The following SPINK14 variants were observed in gnomAD, a reference collection of about 807,000 sequenced individuals.
SPINK14 encodes serine peptidase inhibitor Kazal type 14 (putative).
A neutral mutation model predicts 14.2 loss-of-function variants in SPINK14; 6 were observed. That is an observed-to-expected ratio of 0.42 (90% CI 0.23 to 0.83). The LOEUF is 0.83. SPINK14 is among the 40% of genes least tolerant of loss of function. The probability of loss-of-function intolerance (pLI) is 0.28; values close to 1 mark genes in which losing one functional copy is unlikely to be tolerated. For missense variants in SPINK14, 86 were observed against 108.3 expected (o/e 0.79, Z 0.91); for synonymous variants, 34 against 36.8 (o/e 0.92, Z 0.27).
intron 3 of SPINK14, among the ~76,000 whole-genome samples, chr5:148,171,850 T>C (rs1237833241): frequency 6.6e-6 from 1 of 152,126 alleles, no homozygotes; most frequent in African/African-American, 2.4e-5. Context: ...CCTGGTCTCA[T>C]AAAGCTGAGT....
intron 3 of SPINK14, 39 bp downstream of exon 3, chr5:148,171,012 T>C (rs1279062325): frequency 6.3e-7 from 1 of 1,582,162 alleles, no homozygotes; most frequent in Admixed American, 1.7e-5. Flanking sequence ...ACTTACATTA[T>C]AATATGAGTT....
At chr5:148,170,400 TTGATTTGCTG>T in intron 2 of SPINK14, among the ~76,000 whole-genome samples, 1 of 152,088 alleles carries the variant, frequency 6.6e-6, no homozygotes, top group Non-Finnish European at 1.5e-5. Flanking sequence ...TTTAGAGTGT[TTGATTTGCTG>T]TGTATTTGAC....
intron 4 of SPINK14, 110 bp from the exon 5 acceptor site, chr5:148,175,243 T>C: frequency 1.4e-6 from 1 of 714,992 alleles, no homozygotes; most frequent in Non-Finnish European, 2.4e-6. Flanking sequence ...ACTCTGGATC[T>C]TAGTTTTTCC....
Position 148,170,972 on chromosome 5 carries a change from A to T in SPINK14, c.110A>T (p.Lys37Met), listed in dbSNP as rs773439289. 2.5e-6 allele frequency: 4 copies of T among 1,612,178 alleles called. No individual in the cohort carries two copies. The African/African-American group carries it at 5.3e-5, about 22-fold the overall frequency. Reference sequence around the variant, plus strand: ...TGGTGGCCACCACGTGGAATTATTAAGGTAATGTTCCATTAAATTTCCCCC... The same window carrying T: ...TGGTGGCCACCACGTGGAATTATTATGGTAATGTTCCATTAAATTTCCCCC... The part of the protein sequence containing the change: ...RHWWPPRGII[K>M]VKCPYEKVNL... The change falls in exon 3 of 5, where the codon AAG becomes ATG. Residue 37 changes from lysine to methionine, a missense_variant and splice_region_variant. Physicochemically the swap from Lys to Met is moderately conservative, Grantham distance 95. Coordinates refer to ENST00000356972, the MANE Select transcript of SPINK14 (RefSeq NM_001001325.2).
At chr5:148,169,470 T>C (rs565233658) in intron 1 of SPINK14, among the ~76,000 whole-genome samples, 191 bp from the exon 2 acceptor site, 1 of 152,306 alleles carries the variant, frequency 6.6e-6, no homozygotes, top group East Asian at 1.9e-4. Flanking sequence ...CTTCTGAGTA[T>C]TCAAAGATCT....
chr5:148,173,096 G>A (rs964068864), intron 3 of SPINK14, among the ~76,000 whole-genome samples: 5 of 149,988 alleles, frequency 3.3e-5, no homozygotes, highest in South Asian at 2.1e-4. Context: ...GTTGGGTAAC[G>A]ATGGTGGCCT....
chr5:148,169,848 CT>C, intron 2 of SPINK14, 49 bp downstream of exon 2: 1 of 1,469,574 alleles, frequency 6.8e-7, no homozygotes, highest in Non-Finnish European at 9.5e-7. Context: ...GATTTGTGGG[CT>C]TTTACATCAT....
rs1755141946 is a variant in SPINK14 at position 148,174,291 on chromosome 5, T to G, written c.169T>G (p.Cys57Gly). 9.0e-7 allele frequency: 1 copy of G among 1,113,538 alleles called. No homozygotes were observed. Among genetic ancestry groups the G allele is most frequent in the Non-Finnish European group, 1.2e-6 (1 of 810,166 alleles). 69.0% of individuals were successfully genotyped at this position (1,113,538 alleles called of 1,614,324 possible). A position where few individuals can be genotyped will look rare whatever the true frequency, so the allele number is the denominator to read the frequency against. ...LSWYNGTVNPCPGLYQPICGT... is the reference protein window; with the variant it reads ...LSWYNGTVNPGPGLYQPICGT... Reference sequence around the variant, plus strand: ...CTGGTACAATGGAACGGTCAACCCCTGCCCTGGCTTATATCAACCCATCTG... The same window carrying G: ...CTGGTACAATGGAACGGTCAACCCCGGCCCTGGCTTATATCAACCCATCTG... Residue 57 changes from cysteine (C) to glycine (G), a missense_variant, in exon 4 of 5, where the codon TGC becomes GGC. Physicochemically the swap from Cys to Gly is radical, Grantham distance 159 (BLOSUM62 -3). Transcript: ENST00000356972.
At chr5:148,170,183 C>T (rs1027146466) in intron 2 of SPINK14, among the ~76,000 whole-genome samples, 2 of 146,176 alleles carry the variant, frequency 1.4e-5, no homozygotes, top group South Asian at 4.3e-4. Context: ...TACACACACA[C>T]ACACACACAC....
rs1255519065 is a variant in SPINK14 at position 148,170,831 on chromosome 5, C to A, written c.68-99C>A. 4 of 1,050,416 alleles carry A rather than the reference C, an allele frequency of 3.8e-6. No homozygotes were observed. In the African/African-American group the frequency reaches 6.5e-5, roughly 17 times the overall value. The allele number at this position is 1,050,416 out of a possible 1,614,324, so 65.1% of individuals were successfully genotyped here. A position where few individuals can be genotyped will look rare whatever the true frequency, so the allele number is the denominator to read the frequency against. ...AAATAATGTTTTCCATTGCTGAAAA[C>A]TTCCTTGATAATAAATTAGAACTCG... On this transcript the variant is annotated intron_variant, in intron 2 of 4. Coordinates refer to ENST00000356972, the MANE Select transcript of SPINK14 (RefSeq NM_001001325.2).
rs573043044 is a variant in SPINK14, at chr5:148,169,406, A to C, written c.-72-255A>C. Among the ~76,000 whole-genome samples the C allele has an allele frequency of 2.4e-4, 36 of 152,256 alleles. No individual in the cohort carries two copies. In the South Asian group the frequency reaches 6.9e-3, roughly 29 times the overall value. On this transcript the variant is annotated intron_variant, in intron 1 of 4. Transcript: ENST00000356972. ...GGAGTTGCTTTTTCATGACATGTAAAATGTTTTCCCACTAAAATAATACAC... is the reference window on the plus strand; with the variant it reads ...GGAGTTGCTTTTTCATGACATGTAACATGTTTTCCCACTAAAATAATACAC...
chr5:148,169,864 T>C, intron 2 of SPINK14, 65 bp downstream of exon 2: 1 of 1,303,664 alleles, frequency 7.7e-7, no homozygotes, highest in Non-Finnish European at 1.1e-6. Context: ...CATCATAATC[T>C]GAGAGAGAAT....
In SPINK14 at chr5:148,169,117, C is replaced by G. The variant is rs567033084; in HGVS notation, c.-72-544C>G. Among the ~76,000 whole-genome samples the G allele has an allele frequency of 2.0e-5, 3 of 152,188 alleles. No homozygotes were observed. The South Asian group carries it at 6.2e-4, about 32-fold the overall frequency. The stretch of plus-strand genomic sequence containing the variant: ...TCTGGATTAAAATAGCTGTGGGACC[C>G]CAGTGAGATGGCAGATAATGATTTT... On this transcript the variant is annotated intron_variant, in intron 1 of 4. Coordinates refer to ENST00000356972, the MANE Select transcript of SPINK14 (RefSeq NM_001001325.2).
chr5:148,171,939 G>C (rs556212991), intron 3 of SPINK14, among the ~76,000 whole-genome samples: 2 of 152,072 alleles, frequency 1.3e-5, no homozygotes, highest in Admixed American at 1.3e-4. Flanking sequence ...AATAATAAAT[G>C]CGCTCACTTT....
intron 4 of SPINK14, 127 bp downstream of exon 4, chr5:148,174,497 A>T: frequency 1.9e-6 from 1 of 525,794 alleles, no homozygotes; most frequent in Non-Finnish European, 3.1e-6. Context: ...ACAGATAATA[A>T]TCAGCACCCA....
In SPINK14 at chr5:148,174,205, C is replaced by A. The variant is rs1278858270; in HGVS notation, c.112-29C>A. ...CCTACCTGTCTAAGTGGGATTCTAA[C>A]TGGATAAATCTTTTCAACTCAATTT... On this transcript the variant is annotated intron_variant, in intron 3 of 4. Coordinates refer to ENST00000356972, the MANE Select transcript of SPINK14 (RefSeq NM_001001325.2). The A allele has an allele frequency of 3.6e-6, 4 of 1,097,782 alleles. 2 individuals carry two copies. The highest frequency in any genetic ancestry group is 5.6e-5 in the East Asian group (2 of 35,826). 68.0% of individuals were successfully genotyped at this position (1,097,782 alleles called of 1,614,324 possible). A position where few individuals can be genotyped will look rare whatever the true frequency, so the allele number is the denominator to read the frequency against.
At chr5:148,174,458 C>A in intron 4 of SPINK14, 88 bp downstream of exon 4, 1 of 787,470 alleles carries the variant, frequency 1.3e-6, no homozygotes. Flanking sequence ...GTACATCAAC[C>A]TTGAAGCCAG....
rs1320728368 is a variant in SPINK14, at chr5:148,175,586, T to C, written c.*188T>C. Among the ~76,000 whole-genome samples the C allele has an allele frequency of 6.6e-5, 10 of 152,074 alleles. No homozygotes were observed. The highest frequency in any genetic ancestry group is 6.6e-4 in the Admixed American group (10 of 15,226). Reference sequence around the variant, plus strand: ...CCCCTCACTGACTGATTGCCTTCCATAGTCTCCCTAATAAATACACTTTTA... The same window carrying C: ...CCCCTCACTGACTGATTGCCTTCCACAGTCTCCCTAATAAATACACTTTTA... On this transcript the variant is annotated 3_prime_UTR_variant, in exon 5 of 5. Coordinates refer to ENST00000356972, the MANE Select transcript of SPINK14 (RefSeq NM_001001325.2).
chr5:148,174,342 A>T lies in SPINK14; in HGVS notation c.220A>T (p.Asn74Tyr). The T allele has an allele frequency of 9.0e-7, 1 of 1,113,894 alleles. No individual in the cohort carries two copies. Among genetic ancestry groups the T allele is most frequent in the Non-Finnish European group, 1.2e-6 (1 of 810,982 alleles). The allele number at this position is 1,113,894 out of a possible 1,614,324, so 69.0% of individuals were successfully genotyped here. ...ICGTNFITYDNPCILCVESLK... is the reference protein window; with the variant it reads ...ICGTNFITYDYPCILCVESLK... The stretch of plus-strand genomic sequence containing the variant: ...CGGCACCAATTTTATAACCTATGAT[A>T]ATCCCTGCATTCTGTGTGTTGAGAG... Residue 74 changes from asparagine (N) to tyrosine (Y), a missense_variant, in exon 4 of 5, where the codon AAT (asparagine) becomes TAT (tyrosine). By Grantham distance (143) the Asn-to-Tyr change is moderately radical. Coordinates refer to ENST00000356972, the MANE Select transcript of SPINK14 (RefSeq NM_001001325.2).
Sources: gnomAD v4.1 joint callset for allele counts (sites outside exome capture counted in the v4.1 genomes callset) on GRCh38, gnomAD v4.1.1 for gene constraint, MANE v1.5 for transcripts, NCBI Gene and HGNC (gene_info 2026-07-23, HGNC 2026-07-21) for gene names.